DYNC1I1: variants seen among roughly 807,000 people sequenced by gnomAD.
DYNC1I1 encodes the protein dynein cytoplasmic 1 intermediate chain 1, also known as cytoplasmic dynein 1 intermediate chain 1.
A neutral mutation model predicts 86.6 loss-of-function variants in DYNC1I1; 43 were observed. The ratio of observed to expected loss-of-function variants is 0.50; its 90% CI spans 0.39 to 0.64. The LOEUF (loss-of-function observed/expected upper bound fraction) is 0.64. DYNC1I1 is among the 30% of genes least tolerant of loss of function. The probability of loss-of-function intolerance (pLI) is 0.00; values close to 1 mark genes in which losing one functional copy is unlikely to be tolerated. For synonymous variants in DYNC1I1, 262 were observed against 283.7 expected (o/e 0.92, Z 0.77); for missense variants, 604 against 788.8 (o/e 0.77, Z 2.81).
intron 15 of DYNC1I1, among the ~76,000 whole-genome samples, chr7:96,079,707 A>C (rs1277662760): frequency 1.3e-5 from 2 of 152,102 alleles, no homozygotes; most frequent in African/African-American, 4.8e-5. Context: ...GACAGTGCCA[A>C]AGTTGTGGAT....
chr7:95,961,096 C>T (rs906396280), intron 6 of DYNC1I1, among the ~76,000 whole-genome samples: 8 of 152,264 alleles, frequency 5.3e-5, no homozygotes, highest in Admixed American at 2.6e-4. Flanking sequence ...GTAGCATGCT[C>T]GACAGGTGAA....
chr7:96,033,580 T>C (rs1318630456), intron 12 of DYNC1I1, among the ~76,000 whole-genome samples: 2 of 152,096 alleles, frequency 1.3e-5, no homozygotes, highest in African/African-American at 2.4e-5. Context: ...TTGACAAAAA[T>C]GTAAGGAAAC....
intron 6 of DYNC1I1, among the ~76,000 whole-genome samples, chr7:95,903,243 C>T (rs1791086729): frequency 6.6e-6 from 1 of 152,132 alleles, no homozygotes; most frequent in South Asian, 2.1e-4. Context: ...ACATATTTAC[C>T]TTCTCCTAGT....
At chr7:95,837,997 C>T (rs1199780942) in intron 5 of DYNC1I1, among the ~76,000 whole-genome samples, 1 of 152,122 alleles carries the variant, frequency 6.6e-6, no homozygotes, top group Non-Finnish European at 1.5e-5. Flanking sequence ...TCCTCCTGGT[C>T]CTGGTTGTTT....
At chr7:95,977,751 C>A in intron 7 of DYNC1I1, 150 bp downstream of exon 7, 2 of 596,616 alleles carry the variant, frequency 3.4e-6, no homozygotes, top group South Asian at 3.7e-5. Context: ...TTACATTTAG[C>A]AACATAAACT....
chr7:95,836,014 G>T (rs1449195881), intron 5 of DYNC1I1, among the ~76,000 whole-genome samples: 1 of 152,110 alleles, frequency 6.6e-6, no homozygotes, highest in Admixed American at 6.5e-5. Flanking sequence ...ATCCTGTCAT[G>T]ATGATGTTAG....
At chr7:96,020,118 A>G (rs913053836) in intron 10 of DYNC1I1, among the ~76,000 whole-genome samples, 28 of 151,602 alleles carry the variant, frequency 1.8e-4, no homozygotes, top group African/African-American at 6.3e-4. Flanking sequence ...AAAAAGACAG[A>G]AAATAGCAAG....
intron 14 of DYNC1I1, among the ~76,000 whole-genome samples, chr7:96,059,419 T>C (rs143419832): frequency 3.5e-4 from 53 of 152,298 alleles, no homozygotes; most frequent in African/African-American, 1.3e-3. Context: ...TTATTCTGTC[T>C]GAGCTGGGAA....
chr7:95,929,586 GT>G (rs1307062504), intron 6 of DYNC1I1, among the ~76,000 whole-genome samples: 1 of 152,174 alleles, frequency 6.6e-6, no homozygotes, highest in African/African-American at 2.4e-5. Context: ...CAAATCAGGA[GT>G]GTACAACTTG....
At chr7:95,998,700 G>C (rs1174269780) in intron 10 of DYNC1I1, among the ~76,000 whole-genome samples, 6 of 152,302 alleles carry the variant, frequency 3.9e-5, no homozygotes, top group Admixed American at 1.3e-4. Flanking sequence ...TATGATGACT[G>C]TACTTTTATA....
downstream of DYNC1I1, among the ~76,000 whole-genome samples, chr7:96,101,638 A>G (rs1032054710): frequency 2.0e-5 from 3 of 152,160 alleles, no homozygotes; most frequent in African/African-American, 4.8e-5. Context: ...AGTGTTTACT[A>G]AAGTCTAGGT....
chr7:95,826,955 A>G (rs1795215220), intron 4 of DYNC1I1, among the ~76,000 whole-genome samples: 2 of 152,186 alleles, frequency 1.3e-5, no homozygotes, highest in African/African-American at 4.8e-5. Context: ...ATAGACAAGG[A>G]AACCGAGCAG....
chr7:95,797,244 T>C (rs1298493351), intron 1 of DYNC1I1, among the ~76,000 whole-genome samples: 5 of 152,180 alleles, frequency 3.3e-5, no homozygotes. Context: ...CACTATTTTT[T>C]ACATGAACAA....
intron 6 of DYNC1I1, among the ~76,000 whole-genome samples, chr7:95,876,761 T>G (rs927592730): frequency 1.3e-5 from 2 of 152,156 alleles, no homozygotes; most frequent in African/African-American, 4.8e-5. Context: ...TATGTTGACT[T>G]ACTTAAGAAA....
chr7:95,795,777 A>G (rs879915553), intron 1 of DYNC1I1, among the ~76,000 whole-genome samples: 5 of 152,060 alleles, frequency 3.3e-5, no homozygotes, highest in Admixed American at 2.0e-4. Flanking sequence ...AAGAAAAATA[A>G]CTACTGGAAA....
At chr7:95,942,854 G>T (rs1191752527) in intron 6 of DYNC1I1, among the ~76,000 whole-genome samples, 2 of 145,606 alleles carry the variant, frequency 1.4e-5, no homozygotes, top group South Asian at 2.3e-4. Flanking sequence ...AATAAATTAG[G>T]TATTGATGGG....
At chr7:95,997,809 T>C (rs973196260) in intron 10 of DYNC1I1, among the ~76,000 whole-genome samples, 6 of 152,110 alleles carry the variant, frequency 3.9e-5, no homozygotes, top group African/African-American at 1.4e-4. Flanking sequence ...AGTAAAATAG[T>C]TGATTCCAAA....
intron 10 of DYNC1I1, among the ~76,000 whole-genome samples, chr7:96,025,055 T>G (rs1437163727): frequency 6.6e-6 from 1 of 151,900 alleles, no homozygotes; most frequent in African/African-American, 2.4e-5. Context: ...TATATTCTTA[T>G]AGAATAACAA....
At chr7:95,976,997 C>A (rs62467718) in intron 6 of DYNC1I1, among the ~76,000 whole-genome samples, 23 of 152,178 alleles carry the variant, frequency 1.5e-4, no homozygotes, top group Non-Finnish European at 3.1e-4. Flanking sequence ...ATGGCATTGA[C>A]TTTGGGGGCC....
Sources: gnomAD v4.1 joint callset for allele counts (sites outside exome capture counted in the v4.1 genomes callset) on GRCh38, gnomAD v4.1.1 for gene constraint, MANE v1.5 for transcripts, NCBI Gene and HGNC (gene_info 2026-07-23, HGNC 2026-07-21) for gene names.